Variants in IFTAP observed in about 807,000 individuals in gnomAD.
IFTAP encodes intraflagellar transport associated protein, also known as intraflagellar transport-associated protein.
In IFTAP, 19 loss-of-function variants were observed where a neutral mutation model predicts 19.4. The observed-to-expected ratio is 0.98, with a 90% CI of 0.68 to 1.44. The LOEUF is 1.44. Among genes scored for constraint, IFTAP ranks in the 40% most tolerant of loss-of-function variants. The probability of loss-of-function intolerance (pLI) is 0.00; values close to 1 mark genes in which losing one functional copy is unlikely to be tolerated. For synonymous variants in IFTAP, 85 were observed against 83.5 expected, an observed-to-expected ratio of 1.02 and a Z score of -0.10; for missense variants, 240 against 253.6, an observed-to-expected ratio of 0.95 and a Z score of 0.36.
Position 36,605,309 on chromosome 11 carries a change from A to G in IFTAP, c.-23-4772A>G, listed in dbSNP as rs138790126. Among the ~76,000 whole-genome samples, 982 of 136,418 alleles carry G rather than the reference A, an allele frequency of 7.2e-3. 9 individuals carry two copies. Among genetic ancestry groups the G allele is most frequent in the African/African-American group, 0.027 (931 of 34,964 alleles). 89.5% of individuals were successfully genotyped at this position (136,418 alleles called of 152,430 possible). ...CCCCACTTTTTTTTTTTGCAGACATATAACCCTAGTGCTGTTAAAAAGTAC... is the reference window on the plus strand; with the variant it reads ...CCCCACTTTTTTTTTTTGCAGACATGTAACCCTAGTGCTGTTAAAAAGTAC... On this transcript the variant is annotated intron_variant, in intron 1 of 5. Coordinates refer to ENST00000334307, the MANE Select transcript of IFTAP (RefSeq NM_138787.4).
intron 1 of IFTAP, among the ~76,000 whole-genome samples, chr11:36,605,099 A>G (rs1851644563): frequency 2.0e-5 from 3 of 151,900 alleles, no homozygotes; most frequent in Admixed American, 1.3e-4. Context: ...ACCTTGTGCA[A>G]TTGTTGCAGT....
At chr11:36,636,952 TC>T (rs1246988135) in intron 4 of IFTAP, among the ~76,000 whole-genome samples, 1 of 151,860 alleles carries the variant, frequency 6.6e-6, no homozygotes, top group Non-Finnish European at 1.5e-5. Context: ...AAACACTCAT[TC>T]CTGATTTAAC....
intron 4 of IFTAP, among the ~76,000 whole-genome samples, chr11:36,641,911 G>A (rs1853221483): frequency 6.6e-6 from 1 of 152,102 alleles, no homozygotes; most frequent in South Asian, 2.1e-4. Context: ...GGGAGTCTAA[G>A]TCTCTTTGTA....
rs139672662 is a variant in IFTAP at position 36,639,169 on chromosome 11, A to G, written c.358+3052A>G. Among the ~76,000 whole-genome samples, 9 of 151,268 alleles carry G rather than the reference A, an allele frequency of 5.9e-5. No individual in the cohort carries two copies. The East Asian group carries it at 1.7e-3, about 29-fold the overall frequency. ...GTGCTGAGGACATTAGAATAGGAAG[A>G]TTTTCTGTTCATCTTTATTTTTATG... On this transcript the variant is annotated intron_variant, in intron 4 of 5. Coordinates refer to ENST00000334307, the MANE Select transcript of IFTAP (RefSeq NM_138787.4).
Position 36,596,222 on chromosome 11 carries a change from G to GGTT in IFTAP, c.-24+1630_-24+1631insGTT, listed in dbSNP as rs1554947874. Among the ~76,000 whole-genome samples, 399 of 118,374 alleles carry GGTT rather than the reference G, an allele frequency of 3.4e-3. 4 individuals are homozygous for GGTT. The highest frequency in any genetic ancestry group is 0.012 in the African/African-American group (381 of 32,334). 77.7% of individuals were successfully genotyped at this position (118,374 alleles called of 152,430 possible). On this transcript the variant is annotated intron_variant, in intron 1 of 5. Coordinates refer to ENST00000334307, the MANE Select transcript of IFTAP (RefSeq NM_138787.4). Reference sequence around the variant, plus strand: ...AATGAGATGGTAGTGTTTTTTTTTTGTTTTTTTTTTTTTTTGCTTTAAAGA... The same window carrying GGTT: ...AATGAGATGGTAGTGTTTTTTTTTTGGTTTTTTTTTTTTTTTTTGCTTTAAAGA...
intron 5 of IFTAP, among the ~76,000 whole-genome samples, chr11:36,653,492 A>T (rs1028225689): frequency 6.6e-6 from 1 of 152,198 alleles, no homozygotes; most frequent in Non-Finnish European, 1.5e-5. Context: ...ACTGAAATAA[A>T]TCATAATTTC....
intron 1 of IFTAP, among the ~76,000 whole-genome samples, chr11:36,602,409 CT>C (rs1385964790): frequency 6.6e-6 from 1 of 152,098 alleles, no homozygotes; most frequent in African/African-American, 2.4e-5. Flanking sequence ...AAGGGGACAA[CT>C]TTAATTAAGA....
chr11:36,640,176 G>T (rs1187957755), intron 4 of IFTAP, among the ~76,000 whole-genome samples: 1 of 152,170 alleles, frequency 6.6e-6, no homozygotes, highest in East Asian at 1.9e-4. Context: ...AAACCCTAAG[G>T]TTGGCAGGTC....
At chr11:36,642,293 C>G (rs1853247544) in intron 4 of IFTAP, among the ~76,000 whole-genome samples, 1 of 152,070 alleles carries the variant, frequency 6.6e-6, no homozygotes, top group African/African-American at 2.4e-5. Flanking sequence ...TACACCCTTC[C>G]AAGACTAAAC....
At chr11:36,613,711 T>C (rs1851954669) in intron 2 of IFTAP, among the ~76,000 whole-genome samples, 1 of 152,018 alleles carries the variant, frequency 6.6e-6, no homozygotes, top group South Asian at 2.1e-4. Flanking sequence ...AGACATTAAG[T>C]AGAACCAGGA....
At chr11:36,602,907 G>C (rs921999580) in intron 1 of IFTAP, among the ~76,000 whole-genome samples, 1 of 152,052 alleles carries the variant, frequency 6.6e-6, no homozygotes, top group Non-Finnish European at 1.5e-5. Context: ...CCTGAGATTT[G>C]TCTTATGAGT....
intron 5 of IFTAP, among the ~76,000 whole-genome samples, chr11:36,652,083 G>A (rs956147539): frequency 1.3e-5 from 2 of 152,058 alleles, no homozygotes. Context: ...TTCCAATTCT[G>A]TGAAGAAAGT....
intron 2 of IFTAP, among the ~76,000 whole-genome samples, chr11:36,610,907 T>C (rs1379957207): frequency 6.6e-6 from 1 of 152,136 alleles, no homozygotes; most frequent in Non-Finnish European, 1.5e-5. Context: ...CATGTTGTGT[T>C]TTTCATTATT....
chr11:36,653,307 A>G (rs1302213153), intron 5 of IFTAP, among the ~76,000 whole-genome samples: 1 of 152,148 alleles, frequency 6.6e-6, no homozygotes, highest in Non-Finnish European at 1.5e-5. Flanking sequence ...CCAATAGTGT[A>G]CAAATTTTAT....
At chr11:36,656,383 G>C (rs1472539234) in intron 5 of IFTAP, among the ~76,000 whole-genome samples, 1 of 151,936 alleles carries the variant, frequency 6.6e-6, no homozygotes, top group African/African-American at 2.4e-5. Context: ...CAGCCTGGCC[G>C]ACATGGCGAA....
chr11:36,638,445 T>C (rs1853050443), intron 4 of IFTAP, among the ~76,000 whole-genome samples: 1 of 152,230 alleles, frequency 6.6e-6, no homozygotes, highest in South Asian at 2.1e-4. Context: ...TAGAATGATG[T>C]GTGAAGCCTA....
At chr11:36,633,549 C>A (rs1852810801) in intron 3 of IFTAP, 111 bp downstream of exon 3, 1 of 835,898 alleles carries the variant, frequency 1.2e-6, no homozygotes, top group Non-Finnish European at 1.6e-6. Flanking sequence ...ATCTGTAATT[C>A]CTAATTCTAG....
At chr11:36,605,767 T>G (rs1851672774) in intron 1 of IFTAP, among the ~76,000 whole-genome samples, 1 of 152,140 alleles carries the variant, frequency 6.6e-6, no homozygotes, top group Non-Finnish European at 1.5e-5. Flanking sequence ...CAGCAGATAT[T>G]TATACACATT....
chr11:36,623,527 A>T (rs1337629699), intron 2 of IFTAP, among the ~76,000 whole-genome samples: 1 of 152,176 alleles, frequency 6.6e-6, no homozygotes, highest in Non-Finnish European at 1.5e-5. Context: ...AGGCTAGGAT[A>T]TTATAGCTTA....
Sources: allele counts gnomAD v4.1 joint callset (sites outside exome capture counted in the v4.1 genomes callset), GRCh38; gene constraint gnomAD v4.1.1; transcripts MANE v1.5; gene names NCBI Gene and HGNC (gene_info 2026-07-23, HGNC 2026-07-21).